Variants in DIPK1A observed in about 807,000 individuals in gnomAD.
DIPK1A encodes divergent protein kinase domain 1A.
Under a neutral mutation model 40.8 loss-of-function variants are expected in DIPK1A, and 27 were observed. That is an observed-to-expected ratio of 0.66 (90% CI 0.49 to 0.91). The LOEUF is 0.91. Ranked by LOEUF, DIPK1A falls within the 40% of genes least tolerant of loss-of-function variation. The pLI, the probability that DIPK1A is intolerant of heterozygous loss-of-function variation, is 0.00. For missense variants in DIPK1A, 412 were observed against 505.7 expected, an observed-to-expected ratio of 0.81 and a Z score of 1.78; for synonymous variants, 166 against 171.3, an observed-to-expected ratio of 0.97 and a Z score of 0.24.
downstream of DIPK1A, chr1:92,840,698 G>T (rs376432356): frequency 2.7e-5 from 33 of 1,224,818 alleles, no homozygotes; most frequent in Admixed American, 8.4e-5. Context: ...TTCCCACGTG[G>T]GGCAGACTGT....
At chr1:92,838,242 A>G (rs1296727291), downstream of DIPK1A, among the ~76,000 whole-genome samples, 12 of 152,240 alleles carry the variant, frequency 7.9e-5, no homozygotes, top group Admixed American at 2.0e-4. Flanking sequence ...CTTTGGACAC[A>G]GTGTAAAGGC....
At chr1:92,882,529 T>C (rs947755392) in intron 1 of DIPK1A, among the ~76,000 whole-genome samples, 26 of 152,238 alleles carry the variant, frequency 1.7e-4, no homozygotes, top group African/African-American at 6.0e-4. Flanking sequence ...TGTAACCCTA[T>C]AATGCAGAGT....
intron 1 of DIPK1A, among the ~76,000 whole-genome samples, chr1:92,920,677 T>A (rs1159938717): frequency 6.6e-6 from 1 of 152,228 alleles, no homozygotes; most frequent in East Asian, 1.9e-4. Flanking sequence ...ATTGGTGAGT[T>A]AGTCCATGAA....
At chr1:92,906,100 A>G (rs1201170838) in intron 1 of DIPK1A, among the ~76,000 whole-genome samples, 3 of 152,162 alleles carry the variant, frequency 2.0e-5, no homozygotes, top group Non-Finnish European at 4.4e-5. Context: ...GACTTTGGCT[A>G]TTCTGGGTCT....
intron 1 of DIPK1A, among the ~76,000 whole-genome samples, chr1:92,946,945 A>G (rs75592342): frequency 6.8e-6 from 1 of 146,826 alleles, no homozygotes; most frequent in East Asian, 2.0e-4. Context: ...CCCTGTCTCA[A>G]AAAAAAAAAA....
chr1:92,903,326 G>A (rs1269207859), intron 1 of DIPK1A, among the ~76,000 whole-genome samples: 1 of 152,098 alleles, frequency 6.6e-6, no homozygotes, highest in Admixed American at 6.6e-5. Context: ...GATTACAGGG[G>A]TGAACCACTA....
At chr1:92,835,870 G>A (rs1687103927) in intron 4 of DIPK1A, among the ~76,000 whole-genome samples, 2 of 152,152 alleles carry the variant, frequency 1.3e-5, no homozygotes, top group South Asian at 4.1e-4. Context: ...TTATAAACAT[G>A]TTTTAATGGA....
intron 1 of DIPK1A, among the ~76,000 whole-genome samples, chr1:92,909,305 A>G (rs1649741042): frequency 1.3e-5 from 2 of 152,166 alleles, no homozygotes; most frequent in African/African-American, 4.8e-5. Flanking sequence ...TATATAAAAC[A>G]CAAAATGCTA....
chr1:92,887,071 T>C (rs776185814), intron 1 of DIPK1A, among the ~76,000 whole-genome samples: 16 of 151,994 alleles, frequency 1.1e-4, no homozygotes, highest in African/African-American at 2.4e-4. Context: ...GGCTCAGCCA[T>C]GTGACTTGCT....
chr1:92,842,518 T>G lies in DIPK1A; in HGVS notation c.*865A>C. 1 of 982,974 alleles carries G rather than the reference T, an allele frequency of 1.0e-6. No homozygotes were observed. Among genetic ancestry groups the G allele is most frequent in the Non-Finnish European group, 1.2e-6 (1 of 827,696 alleles). 60.9% of individuals were successfully genotyped at this position (982,974 alleles called of 1,614,324 possible). ...TAAATAAATACATTTACATGCCTCT[T>G]TAAGAAATAGCCCTTTGGCCCACAG... On this transcript the variant is annotated 3_prime_UTR_variant, in exon 5 of 5. Transcript: ENST00000370310.
At chr1:92,940,843 G>A (rs906278609) in intron 1 of DIPK1A, among the ~76,000 whole-genome samples, 16 of 152,090 alleles carry the variant, frequency 1.1e-4, no homozygotes, top group African/African-American at 2.7e-4. Flanking sequence ...ATCTCATCAC[G>A]GTTTTAATGT....
intron 1 of DIPK1A, among the ~76,000 whole-genome samples, chr1:92,927,248 A>C (rs1650550395): frequency 6.6e-6 from 1 of 152,144 alleles, no homozygotes; most frequent in South Asian, 2.1e-4. Context: ...AGTGGCGATC[A>C]CAGTCCCACA....
At chr1:92,890,699 C>T (rs573524643) in intron 1 of DIPK1A, among the ~76,000 whole-genome samples, 24 of 152,154 alleles carry the variant, frequency 1.6e-4, no homozygotes, top group African/African-American at 3.6e-4. Flanking sequence ...TTCCAGTGTG[C>T]GGCTGGATTC....
chr1:92,832,815 A>T, exon 5 of DIPK1A: 1 of 580,906 alleles, frequency 1.7e-6, no homozygotes. Flanking sequence ...TAGTGGGGGA[A>T]TTACTGCTGA....
chr1:92,907,725 A>AGC (rs1649678782), intron 1 of DIPK1A, among the ~76,000 whole-genome samples: 1 of 152,130 alleles, frequency 6.6e-6, no homozygotes, highest in African/African-American at 2.4e-5. Flanking sequence ...TACAGGCATG[A>AGC]GCCACCATGC....
At chr1:92,954,364 TTC>T (rs1651758068) in intron 1 of DIPK1A, among the ~76,000 whole-genome samples, 1 of 106,324 alleles carries the variant, frequency 9.4e-6, no homozygotes, top group African/African-American at 3.6e-5. Context: ...ACTTTATCTT[TTC>T]TTTCTTTTTT....
chr1:92,898,107 CAAAAAACAAACAAACAA>C (rs1649258820), intron 1 of DIPK1A, among the ~76,000 whole-genome samples: 1 of 16,588 alleles, frequency 6.0e-5, no homozygotes, highest in Non-Finnish European at 1.1e-4. Context: ...TCAAAAAAAA[CAAAAAACAAACAAACAA>C]AAAAAACAAG....
At chr1:92,861,969 G>A (rs951167915) in intron 2 of DIPK1A, among the ~76,000 whole-genome samples, 27 of 152,080 alleles carry the variant, frequency 1.8e-4, no homozygotes, top group African/African-American at 6.5e-4. Context: ...TTGTAGAGAC[G>A]AGGTTTCGCC....
chr1:92,948,301 T>C (rs1044411251), intron 1 of DIPK1A, among the ~76,000 whole-genome samples: 2 of 152,072 alleles, frequency 1.3e-5, no homozygotes, highest in African/African-American at 4.8e-5. Flanking sequence ...AACTGGAAGT[T>C]TTTCAGGATT....
Sources: gnomAD v4.1 joint callset for allele counts (sites outside exome capture counted in the v4.1 genomes callset) on GRCh38, gnomAD v4.1.1 for gene constraint, MANE v1.5 for transcripts, NCBI Gene and HGNC (gene_info 2026-07-23, HGNC 2026-07-21) for gene names.